MATN2: variants seen among roughly 807,000 people sequenced by gnomAD.
The protein encoded by MATN2 is matrilin 2, also known as matrilin-2.
Under a neutral mutation model 103.2 loss-of-function variants are expected in MATN2, and 69 were observed. The ratio of observed to expected loss-of-function variants is 0.67; its 90% CI spans 0.55 to 0.82. The LOEUF is 0.82. Among genes scored for constraint, MATN2 ranks in the 40% least tolerant of loss-of-function variants. The pLI is 0.00. For synonymous variants in MATN2, 429 were observed against 450.2 expected, an observed-to-expected ratio of 0.95 and a Z score of 0.60; for missense variants, 1,023 against 1,211.5, an observed-to-expected ratio of 0.84 and a Z score of 2.31.
intron 2 of MATN2, among the ~76,000 whole-genome samples, chr8:97,903,265 T>A (rs1819049208): frequency 6.6e-6 from 1 of 152,054 alleles, no homozygotes; most frequent in Admixed American, 6.5e-5. Flanking sequence ...CCTTTGGAAT[T>A]CGTGGCATAG....
At chr8:97,882,672 G>A (rs1464264969) in intron 1 of MATN2, among the ~76,000 whole-genome samples, 3 of 152,240 alleles carry the variant, frequency 2.0e-5, no homozygotes, top group African/African-American at 7.2e-5. Context: ...CTGGGATTCC[G>A]AGTATGCACC....
At chr8:98,000,051 T>A (rs1373090684) in intron 7 of MATN2, among the ~76,000 whole-genome samples, 1 of 151,604 alleles carries the variant, frequency 6.6e-6, no homozygotes, top group African/African-American at 2.4e-5. Flanking sequence ...TGGCTGATTT[T>A]TGTATTGTTA....
intron 7 of MATN2, among the ~76,000 whole-genome samples, chr8:98,000,034 C>T (rs1812727685): frequency 6.6e-6 from 1 of 151,870 alleles, no homozygotes; most frequent in East Asian, 2.0e-4. Flanking sequence ...ATATGTACCA[C>T]CATGCCTGGC....
chr8:97,976,473 C>T (rs537819624), intron 5 of MATN2, among the ~76,000 whole-genome samples: 1 of 152,210 alleles, frequency 6.6e-6, no homozygotes, highest in Non-Finnish European at 1.5e-5. Context: ...TTACCCTTTA[C>T]AAATCTTCAG....
At chr8:97,948,365 T>G (rs1450644915) in intron 4 of MATN2, among the ~76,000 whole-genome samples, 1 of 152,216 alleles carries the variant, frequency 6.6e-6, no homozygotes, top group East Asian at 1.9e-4. Flanking sequence ...ATATGGAATC[T>G]GTGAATCATG....
chr8:97,922,898 C>G (rs1348554984), intron 2 of MATN2, among the ~76,000 whole-genome samples: 2 of 152,194 alleles, frequency 1.3e-5, no homozygotes, highest in Admixed American at 6.5e-5. Context: ...GTTATTGTGT[C>G]CTTTTCACAG....
chr8:97,977,810 C>T, intron 5 of MATN2, among the ~76,000 whole-genome samples: 1 of 152,174 alleles, frequency 6.6e-6, no homozygotes, highest in East Asian at 1.9e-4. Flanking sequence ...CAGAGTCCCA[C>T]CTCCTGGCCT....
At chr8:97,937,149 G>A (rs1810399605) in intron 3 of MATN2, among the ~76,000 whole-genome samples, 1 of 152,208 alleles carries the variant, frequency 6.6e-6, no homozygotes, top group Admixed American at 6.5e-5. Flanking sequence ...TGCCAGTAAA[G>A]GACTCTGATT....
intron 1 of MATN2, among the ~76,000 whole-genome samples, chr8:97,880,532 G>A (rs1184008963): frequency 6.6e-6 from 1 of 152,166 alleles, no homozygotes; most frequent in Non-Finnish European, 1.5e-5. Flanking sequence ...TGGAAAGTAA[G>A]AAATGATGTA....
chr8:97,973,249 G>C (rs1428148902), intron 5 of MATN2, among the ~76,000 whole-genome samples: 2 of 152,130 alleles, frequency 1.3e-5, no homozygotes, highest in Non-Finnish European at 2.9e-5. Context: ...TGGAGACTTG[G>C]GACCCAGGAA....
chr8:98,018,261 G>A (rs1320701021), intron 12 of MATN2, 145 bp downstream of exon 12: 3 of 1,096,338 alleles, frequency 2.7e-6, no homozygotes, highest in Non-Finnish European at 3.9e-6. Context: ...TGTTTAGCTA[G>A]AGATCAGTTC....
At chr8:97,890,498 A>G (rs754602528) in intron 2 of MATN2, among the ~76,000 whole-genome samples, 6 of 151,450 alleles carry the variant, frequency 4.0e-5, no homozygotes, top group Non-Finnish European at 7.4e-5. Flanking sequence ...GTGGAGTGAC[A>G]ATCATGAAAC....
chr8:97,941,774 C>T lies in MATN2; in HGVS notation c.713-3C>T, dbSNP rs768770042. 3 of 1,584,094 alleles carry T rather than the reference C, an allele frequency of 1.9e-6. No homozygotes were observed. The highest frequency in any genetic ancestry group is 2.6e-6 in the Non-Finnish European group (3 of 1,164,792). Reference sequence around the variant, plus strand: ...ACTTACCTTCCTGTGTCTTCCCTTTCAGCGGCCCATATGTGCAGCACCCTG... The same window carrying T: ...ACTTACCTTCCTGTGTCTTCCCTTTTAGCGGCCCATATGTGCAGCACCCTG... On this transcript the variant is annotated splice_region_variant and splice_polypyrimidine_tract_variant and intron_variant, in intron 3 of 18. Transcript: ENST00000254898.
intron 2 of MATN2, among the ~76,000 whole-genome samples, chr8:97,900,031 T>C (rs1818929933): frequency 6.6e-6 from 1 of 152,178 alleles, no homozygotes; most frequent in Admixed American, 6.5e-5. Flanking sequence ...ATCCCAGGGC[T>C]GAAGATGGGA....
At chr8:97,939,380 A>C (rs145923575) in intron 3 of MATN2, among the ~76,000 whole-genome samples, 1 of 152,334 alleles carries the variant, frequency 6.6e-6, no homozygotes, top group East Asian at 1.9e-4. Context: ...TGAAAAAACA[A>C]ACAAACAAAC....
chr8:97,961,446 C>A lies in MATN2; in HGVS notation c.874C>A (p.Gln292Lys). Residue 292 changes from glutamine to lysine, a missense_variant, in exon 5 of 19, where the codon CAG (glutamine) becomes AAG (lysine). Physicochemically the swap from Gln to Lys is moderately conservative, Grantham distance 53. Coordinates refer to ENST00000254898, the MANE Select transcript of MATN2 (RefSeq NM_002380.5). ...TGCCATGGAGGACCACAACTGTGAG[C>A]AGCTCTGTGTGAATGTGCCGGGCTC... is the stretch of plus-strand genomic sequence containing the variant. ...LCAMEDHNCE[Q>K]LCVNVPGSFV... 3 of 1,613,658 alleles carry A rather than the reference C, an allele frequency of 1.9e-6. No individual in the cohort carries two copies. Among genetic ancestry groups the A allele is most frequent in the Non-Finnish European group, 2.5e-6 (3 of 1,179,744 alleles).
chr8:97,878,228 A>G (rs542457934), intron 1 of MATN2, among the ~76,000 whole-genome samples: 60 of 152,294 alleles, frequency 3.9e-4, no homozygotes, highest in African/African-American at 1.3e-3. Context: ...ATCCTTTAAA[A>G]TATTCAAGCT....
In MATN2 at chr8:97,878,932, G is replaced by GACTTTGGT. The variant is rs1237807829; in HGVS notation, c.-26-9141_-26-9140insTTTGGTAC. ...CAGGCAAACATAGTACGTAGAGGAA[G>GACTTTGGT]ACATGGACTTGACTTTGGTACTTTT... On this transcript the variant is annotated intron_variant, in intron 1 of 18. Transcript: ENST00000254898. 2.0e-5 allele frequency among the ~76,000 whole-genome samples: 3 copies of GACTTTGGT among 152,322 alleles called. No individual in the cohort carries two copies. In the East Asian group the frequency reaches 5.8e-4, roughly 29 times the overall value.
intron 7 of MATN2, among the ~76,000 whole-genome samples, chr8:97,998,381 G>A (rs1333064680): frequency 2.7e-5 from 4 of 150,788 alleles, no homozygotes; most frequent in African/African-American, 9.7e-5. Context: ...AATTAGCCGG[G>A]CTTGGTGGCG....
Sources: gnomAD v4.1 joint callset for allele counts (sites outside exome capture counted in the v4.1 genomes callset) on GRCh38, gnomAD v4.1.1 for gene constraint, MANE v1.5 for transcripts, NCBI Gene and HGNC (gene_info 2026-07-23, HGNC 2026-07-21) for gene names.